The following FANCL variants were observed in gnomAD, a reference collection of about 807,000 sequenced individuals.
The protein encoded by FANCL is E3 ubiquitin-protein ligase FANCL.
In FANCL, 69 loss-of-function variants were observed where a neutral mutation model predicts 59.4. The ratio of observed to expected loss-of-function variants is 1.16; its 90% CI spans 0.96 to 1.42. FANCL has a LOEUF of 1.42. Ranked by LOEUF, FANCL falls within the 40% of genes most tolerant of loss-of-function variation. FANCL has a pLI of 0.00. For synonymous variants in FANCL, 180 were observed against 147.1 expected (o/e 1.22, Z -1.62); for missense variants, 519 against 447.2 (o/e 1.16, Z -1.45).
chr2:58,191,974 G>A (rs1022521587), intron 7 of FANCL, among the ~76,000 whole-genome samples: 4 of 151,852 alleles, frequency 2.6e-5, no homozygotes, highest in Non-Finnish European at 1.5e-5. Flanking sequence ...TAAAGACAGA[G>A]CCAGAATTTG....
At chr2:58,213,399 A>G (rs1573736609) in intron 5 of FANCL, 2 of 152,232 alleles carry the variant, frequency 1.3e-5, no homozygotes, top group Admixed American at 1.3e-4. Flanking sequence ...GAGTTAAGCC[A>G]TAAAAATAAA....
chr2:58,227,383 A>G (rs1363550022), intron 3 of FANCL, among the ~76,000 whole-genome samples: 1 of 152,160 alleles, frequency 6.6e-6, no homozygotes, highest in African/African-American at 2.4e-5. Context: ...ATTGGATCAC[A>G]TGTGGGCTTG....
At chr2:58,174,481 AACTC>A in intron 7 of FANCL, among the ~76,000 whole-genome samples, 1 of 152,342 alleles carries the variant, frequency 6.6e-6, no homozygotes, top group South Asian at 2.1e-4. Flanking sequence ...AGGATTAAGA[AACTC>A]ACTCAAAACC....
At chr2:58,218,763 G>A (rs749776730) in intron 5 of FANCL, among the ~76,000 whole-genome samples, 12 of 152,066 alleles carry the variant, frequency 7.9e-5, no homozygotes, top group East Asian at 1.9e-4. Context: ...ATGGGAGCTC[G>A]GTTTCTCCCT....
intron 6 of FANCL, among the ~76,000 whole-genome samples, chr2:58,203,321 C>T (rs960763590): frequency 3.3e-5 from 5 of 151,642 alleles, no homozygotes; most frequent in Admixed American, 6.6e-5. Context: ...AAATGCCAGA[C>T]ACATTTTTAA....
chr2:58,207,372 G>A (rs1690692493), intron 5 of FANCL, among the ~76,000 whole-genome samples: 1 of 152,144 alleles, frequency 6.6e-6, no homozygotes, highest in South Asian at 2.1e-4. Flanking sequence ...TCAAAATGTG[G>A]CTAGTGGGTT....
intron 5 of FANCL, among the ~76,000 whole-genome samples, chr2:58,212,529 C>T (rs1691285578): frequency 6.6e-6 from 1 of 152,098 alleles, no homozygotes; most frequent in African/African-American, 2.4e-5. Flanking sequence ...TTAGGGCTGT[C>T]CTAGGCAAAA....
intron 7 of FANCL, among the ~76,000 whole-genome samples, chr2:58,188,294 A>G (rs1688604410): frequency 6.6e-6 from 1 of 152,152 alleles, no homozygotes; most frequent in Admixed American, 6.6e-5. Context: ...TATTATCCTG[A>G]AAAAAGTAGA....
intron 7 of FANCL, chr2:58,194,243 T>C (rs1278220400): frequency 8.5e-6 from 4 of 470,946 alleles, no homozygotes; most frequent in African/African-American, 2.0e-5. Flanking sequence ...AAAACCGCAA[T>C]TTTCACATCC....
intron 4 of FANCL, among the ~76,000 whole-genome samples, chr2:58,226,373 C>G (rs1467384584): frequency 1.3e-5 from 2 of 152,120 alleles, no homozygotes; most frequent in African/African-American, 2.4e-5. Context: ...TAGCTATACA[C>G]AAAATTATTT....
intron 3 of FANCL, 143 bp downstream of exon 3, chr2:58,229,671 A>G: frequency 3.0e-6 from 2 of 671,304 alleles, no homozygotes; most frequent in Non-Finnish European, 5.3e-6. Flanking sequence ...GAGATTTAAA[A>G]ACACACAGAG....
intron 1 of FANCL, among the ~76,000 whole-genome samples, chr2:58,240,748 C>T (rs926247770): frequency 2.6e-5 from 4 of 152,158 alleles, no homozygotes; most frequent in Admixed American, 2.0e-4. Context: ...CAGGTACATA[C>T]GACTTGGCAA....
At chr2:58,232,827 T>A (rs529010021) in intron 1 of FANCL, among the ~76,000 whole-genome samples, 16 of 152,012 alleles carry the variant, frequency 1.1e-4, no homozygotes, top group African/African-American at 3.4e-4. Context: ...TTAAATAGGA[T>A]AATACACAGG....
intron 13 of FANCL, 24 bp downstream of exon 13, chr2:58,160,083 GA>G: frequency 6.2e-7 from 1 of 1,608,970 alleles, no homozygotes; most frequent in Non-Finnish European, 8.5e-7. Context: ...CACATTTTAT[GA>G]GATGTGATTA....
At chr2:58,223,932 C>A (rs1335597020) in intron 4 of FANCL, among the ~76,000 whole-genome samples, 1 of 151,860 alleles carries the variant, frequency 6.6e-6, no homozygotes, top group Non-Finnish European at 1.5e-5. Flanking sequence ...CTATTACTTA[C>A]AATACAGCCT....
At chr2:58,221,448 C>G (rs929438031) in intron 5 of FANCL, among the ~76,000 whole-genome samples, 1 of 151,938 alleles carries the variant, frequency 6.6e-6, no homozygotes. Context: ...AAAAAAAAAT[C>G]ATTTTTTTCA....
intron 7 of FANCL, among the ~76,000 whole-genome samples, chr2:58,178,694 C>T (rs1687619301): frequency 6.6e-6 from 1 of 152,252 alleles, no homozygotes; most frequent in Admixed American, 6.5e-5. Flanking sequence ...CTCTCTCTCA[C>T]CACTCCTATT....
At chr2:58,212,227 G>A (rs899692749) in intron 5 of FANCL, among the ~76,000 whole-genome samples, 1 of 152,184 alleles carries the variant, frequency 6.6e-6, no homozygotes, top group Non-Finnish European at 1.5e-5. Flanking sequence ...GATGGCAGCA[G>A]GCAAAGAGAG....
Position 58,199,646 on chromosome 2 carries a change from C to T in FANCL, c.472-984G>A, listed in dbSNP as rs993350179. On this transcript the variant is annotated intron_variant, in intron 6 of 13. Transcript: ENST00000233741. ...AACCAAGTTTTTAAGTTAACAAAGG[C>T]AAAAGATAAAATTTCTTAAAATCAA... Among the ~76,000 whole-genome samples the T allele has an allele frequency of 7.2e-5, 11 of 152,144 alleles. No homozygotes were observed. In the East Asian group the frequency reaches 1.7e-3, roughly 24 times the overall value.
Sources: allele counts gnomAD v4.1 joint callset (sites outside exome capture counted in the v4.1 genomes callset), GRCh38; gene constraint gnomAD v4.1.1; transcripts MANE v1.5; gene names NCBI Gene and HGNC (gene_info 2026-07-23, HGNC 2026-07-21).